The following RIC1 variants were observed in gnomAD, a reference collection of about 807,000 sequenced individuals.
RIC1 encodes the protein RIC1 partner of RAB6A GEF complex.
Under a neutral mutation model 169.0 loss-of-function variants are expected in RIC1, and 88 were observed. That is an observed-to-expected ratio of 0.52 (90% CI 0.44 to 0.62). The LOEUF (loss-of-function observed/expected upper bound fraction) is 0.62. RIC1 is among the 20% of genes least tolerant of loss of function. RIC1 has a pLI of 0.00. For synonymous variants in RIC1, 790 were observed against 601.5 expected (o/e 1.31, Z -4.59); for missense variants, 1,877 against 1,725.5 (o/e 1.09, Z -1.56).
chr9:5,707,008 A>G (rs1372845126), intron 3 of RIC1, among the ~76,000 whole-genome samples: 1 of 152,058 alleles, frequency 6.6e-6, no homozygotes. Flanking sequence ...CTGATTTGAA[A>G]TCTTTTTCTT....
chr9:5,661,515 G>A (rs1819449142), intron 2 of RIC1, among the ~76,000 whole-genome samples: 2 of 152,066 alleles, frequency 1.3e-5, no homozygotes, highest in Non-Finnish European at 2.9e-5. Flanking sequence ...TTGTTTGAAA[G>A]TTGGTTTGTA....
intron 12 of RIC1, among the ~76,000 whole-genome samples, chr9:5,749,892 T>C (rs1290280099): frequency 6.7e-6 from 1 of 149,622 alleles, no homozygotes; most frequent in Non-Finnish European, 1.5e-5. Flanking sequence ...GATTCTGCTG[T>C]CTCAGCCTCC....
At position 5,772,740 on chromosome 9, in the gene RIC1, C is replaced by T. The variant is rs1468882138; in HGVS notation, c.3793C>T (p.Arg1265Trp). ...GCCTCATAAATCCCAGGTCCAGCTT[C>T]GGTGAGTTTCTTGGCTATTTGAAAT... ...KGPHKSQVQL[R>W]YLLHIFMEAG... Residue 1265 changes from arginine to tryptophan, a missense_variant and splice_region_variant, in exon 24 of 26, where the codon CGG (arginine) becomes TGG (tryptophan). This residue lies in a region of RIC1 where 681 missense variants were observed against 582.0 expected (regional missense o/e 1.17). Transcript: ENST00000414202. 5.0e-6 allele frequency: 8 copies of T among 1,604,364 alleles called. No homozygotes were observed. The highest frequency in any genetic ancestry group is 1.3e-5 in the African/African-American group (1 of 74,524).
chr9:5,632,102 C>T (rs1267269906), intron 1 of RIC1, among the ~76,000 whole-genome samples: 1 of 152,116 alleles, frequency 6.6e-6, no homozygotes, highest in Non-Finnish European at 1.5e-5. Context: ...TGCTTGAGGG[C>T]ATTTGAAGGC....
chr9:5,730,227 G>C (rs34317979), intron 6 of RIC1, among the ~76,000 whole-genome samples: 4,543 of 152,166 alleles, frequency 0.03, 110 homozygotes, highest in African/African-American at 0.054. Flanking sequence ...AGATTATTAG[G>C]ACAGAACCTC....
At chr9:5,659,247 A>G (rs1447100473) in intron 2 of RIC1, among the ~76,000 whole-genome samples, 1 of 152,034 alleles carries the variant, frequency 6.6e-6, no homozygotes, top group Non-Finnish European at 1.5e-5. Flanking sequence ...ATTCTGTTTC[A>G]TTGTTATATA....
At chr9:5,723,025 G>A (rs1372535049) in intron 6 of RIC1, among the ~76,000 whole-genome samples, 14 of 152,166 alleles carry the variant, frequency 9.2e-5, no homozygotes, top group Non-Finnish European at 1.3e-4. Context: ...ATACATGTGC[G>A]TGTGTCTTTA....
chr9:5,666,005 C>T (rs1283164700), intron 2 of RIC1, among the ~76,000 whole-genome samples: 2 of 152,142 alleles, frequency 1.3e-5, no homozygotes, highest in Non-Finnish European at 2.9e-5. Context: ...TATGGGCTCT[C>T]CAGGACCCAC....
At chr9:5,689,702 A>G (rs750822720) in intron 2 of RIC1, among the ~76,000 whole-genome samples, 1 of 152,226 alleles carries the variant, frequency 6.6e-6, no homozygotes, top group East Asian at 1.9e-4. Context: ...TAATGCAGTT[A>G]CTTGAGAGTA....
At chr9:5,762,476 G>C (rs990087477) in intron 17 of RIC1, 65 bp from the exon 18 acceptor site, 7 of 1,585,112 alleles carry the variant, frequency 4.4e-6, no homozygotes, top group African/African-American at 1.3e-5. Context: ...TTATGGATTG[G>C]GGGGAGATGC....
chr9:5,634,741 T>C (rs1306691729), intron 1 of RIC1, among the ~76,000 whole-genome samples: 1 of 152,228 alleles, frequency 6.6e-6, no homozygotes, highest in African/African-American at 2.4e-5. Context: ...TGTTTATTTT[T>C]GCTTTTGTCA....
chr9:5,679,251 T>G (rs10975235), intron 2 of RIC1, among the ~76,000 whole-genome samples: 51,216 of 152,054 alleles, frequency 0.34, 9,525 homozygotes, highest in East Asian at 0.62. Context: ...AGCCTTATAG[T>G]ATAGTTTGAA....
At chr9:5,631,831 A>G (rs999327678) in intron 1 of RIC1, among the ~76,000 whole-genome samples, 1 of 152,164 alleles carries the variant, frequency 6.6e-6, no homozygotes, top group African/African-American at 2.4e-5. Context: ...TCTGTATGAA[A>G]GTTTTCATTT....
At chr9:5,741,860 A>C (rs1266483857) in intron 8 of RIC1, among the ~76,000 whole-genome samples, 1 of 152,074 alleles carries the variant, frequency 6.6e-6, no homozygotes. Context: ...GTTTTCCTTG[A>C]AGCATATTTT....
At chr9:5,764,001 G>C in intron 19 of RIC1, 133 bp downstream of exon 19, 1 of 1,006,354 alleles carries the variant, frequency 9.9e-7, no homozygotes, top group Non-Finnish European at 1.4e-6. Context: ...TCTTTAATTT[G>C]GAAGAATTCA....
At chr9:5,700,054 C>G (rs1018332483) in intron 3 of RIC1, among the ~76,000 whole-genome samples, 2 of 149,328 alleles carry the variant, frequency 1.3e-5, no homozygotes, top group African/African-American at 5.0e-5. Context: ...TCTTGTCTCT[C>G]AGGGTCATCG....
intron 17 of RIC1, 80 bp from the exon 18 acceptor site, chr9:5,762,461 A>G (rs1245624704): frequency 2.0e-6 from 3 of 1,535,696 alleles, no homozygotes; most frequent in African/African-American, 1.4e-5. Context: ...TTTGACCTAT[A>G]AACCTTATGG....
chr9:5,731,943 C>T (rs185736974), intron 6 of RIC1, among the ~76,000 whole-genome samples: 203 of 152,264 alleles, frequency 1.3e-3, no homozygotes, highest in African/African-American at 4.7e-3. Context: ...AGCAATTTTG[C>T]TTCTAAAGAA....
chr9:5,636,610 C>T (rs1191315018), intron 1 of RIC1, among the ~76,000 whole-genome samples: 1 of 152,136 alleles, frequency 6.6e-6, no homozygotes, highest in African/African-American at 2.4e-5. Flanking sequence ...TGAGCCACCA[C>T]TCCCAGCCAT....
Sources: allele counts gnomAD v4.1 joint callset (sites outside exome capture counted in the v4.1 genomes callset), GRCh38; gene constraint gnomAD v4.1.1; regional missense constraint gnomAD v4.1.1; transcripts MANE v1.5; gene names NCBI Gene and HGNC (gene_info 2026-07-23, HGNC 2026-07-21).